The following CHRDL1 variants were observed in gnomAD, a reference collection of about 807,000 sequenced individuals.
The protein encoded by CHRDL1 is chordin-like protein 1.
In CHRDL1, 19 loss-of-function variants were observed where a neutral mutation model predicts 40.9. The observed-to-expected ratio is 0.46, with a 90% CI of 0.32 to 0.68. The LOEUF (loss-of-function observed/expected upper bound fraction) is 0.68. Ranked by LOEUF, CHRDL1 falls within the 30% of genes least tolerant of loss-of-function variation. CHRDL1 has a pLI of 0.03. For missense variants in CHRDL1, 329 were observed against 352.1 expected, an observed-to-expected ratio of 0.93 and a Z score of 0.53; for synonymous variants, 136 against 123.4, an observed-to-expected ratio of 1.10 and a Z score of -0.68.
At chrX:110,699,851 T>G (rs1196183700) in intron 7 of CHRDL1, among the ~76,000 whole-genome samples, 1 of 112,521 alleles carries the variant, frequency 8.9e-6, no homozygotes, top group Non-Finnish European at 1.9e-5. Context: ...ATTTGTTTTG[T>G]TTTTATGAAA....
intron 2 of CHRDL1, among the ~76,000 whole-genome samples, chrX:110,784,210 T>C (rs1179053912): frequency 8.9e-6 from 1 of 111,976 alleles, no homozygotes; most frequent in Non-Finnish European, 1.9e-5. Context: ...CTTATTTCAC[T>C]GACAATTGGG....
At chrX:110,681,090 A>C (rs1202145888) in intron 10 of CHRDL1, among the ~76,000 whole-genome samples, 1 of 111,943 alleles carries the variant, frequency 8.9e-6, no homozygotes, top group Non-Finnish European at 1.9e-5. Flanking sequence ...CCTGAGAAGC[A>C]TTATGAACAA....
At chrX:110,710,388 T>C (rs1268782290) in intron 6 of CHRDL1, among the ~76,000 whole-genome samples, 1 of 111,896 alleles carries the variant, frequency 8.9e-6, no homozygotes, top group Non-Finnish European at 1.9e-5. Context: ...CTGAAATGCT[T>C]CACTGGGAAT....
intron 6 of CHRDL1, among the ~76,000 whole-genome samples, chrX:110,708,065 A>G (rs911564510): frequency 1.8e-5 from 2 of 111,499 alleles, no homozygotes; most frequent in African/African-American, 3.3e-5. Flanking sequence ...ACTGGTCATT[A>G]GAGAAGTGCA....
Position 110,760,669 on chromosome X carries a change from C to T in CHRDL1, c.208-915G>A, listed in dbSNP as rs765568847. Among the ~76,000 whole-genome samples the T allele has an allele frequency of 8.0e-5, 9 of 112,135 alleles. No individual in the cohort carries two copies. In the East Asian group the frequency reaches 2.5e-3, roughly 32 times the overall value. ...CGTCAAGAATCCGACAAAATCAGGC[C>T]ATCCCAGGCAGTTAATCAATCCCCA... On this transcript the variant is annotated intron_variant, in intron 3 of 11. Coordinates refer to ENST00000372042, the MANE Select transcript of CHRDL1 (RefSeq NM_001143981.2).
intron 4 of CHRDL1, among the ~76,000 whole-genome samples, chrX:110,756,412 T>C (rs753297709): frequency 5.4e-5 from 6 of 111,198 alleles, no homozygotes; most frequent in Admixed American, 1.9e-4. Flanking sequence ...AGGGTCACAC[T>C]ACTCGCATGT....
Position 110,676,115 on chromosome X carries a change from T to C in CHRDL1, c.*116A>G, listed in dbSNP as rs1347043423. The C allele has an allele frequency of 2.7e-6, 2 of 739,162 alleles. No homozygotes were observed. The highest frequency in any genetic ancestry group is 4.0e-6 in the Non-Finnish European group (2 of 505,309). 60.9% of individuals were successfully genotyped at this position (739,162 alleles called of 1,213,427 possible). ...ATTATGCTGTGCATGGCGTGAATAA[T>C]TGACTGCATTTGAGTTTGGAGTTTT... On this transcript the variant is annotated 3_prime_UTR_variant, in exon 12 of 12. Coordinates refer to ENST00000372042, the MANE Select transcript of CHRDL1 (RefSeq NM_001143981.2).
At chrX:110,705,548 T>C (rs1238438520) in intron 6 of CHRDL1, among the ~76,000 whole-genome samples, 1 of 103,468 alleles carries the variant, frequency 9.7e-6, no homozygotes, top group African/African-American at 3.5e-5. Flanking sequence ...ATATATATCA[T>C]ACAGGTTTTA....
At chrX:110,742,855 TA>T (rs1238687018) in intron 4 of CHRDL1, among the ~76,000 whole-genome samples, 1 of 111,704 alleles carries the variant, frequency 9.0e-6, no homozygotes, top group Non-Finnish European at 1.9e-5. Context: ...TTTCAAGGTA[TA>T]ACTTTCTGTA....
chrX:110,794,773 C>A (rs181341450), intron 1 of CHRDL1, among the ~76,000 whole-genome samples: 2 of 112,264 alleles, frequency 1.8e-5, no homozygotes, highest in African/African-American at 6.5e-5. Flanking sequence ...TTCTTCACGC[C>A]CCACAGTGTC....
At position 110,674,944 on chromosome X, in the gene CHRDL1, C is replaced by G. The variant is rs1032963867; in HGVS notation, c.*1287G>C. The G allele has an allele frequency of 8.0e-5, 9 of 111,948 alleles. No individual in the cohort carries two copies. Among genetic ancestry groups the G allele is most frequent in the African/African-American group, 2.9e-4 (9 of 30,794 alleles). 9.2% of individuals were successfully genotyped at this position (111,948 alleles called of 1,213,427 possible). On this transcript the variant is annotated 3_prime_UTR_variant, in exon 12 of 12. Transcript: ENST00000372042. ...CTGCAAGTAGACATTTTAGGAGCAG[C>G]CTTCTCTGGAATTCTTGACTAAAAT...
At chrX:110,792,311 A>C (rs1051848178) in intron 1 of CHRDL1, 96 bp from the exon 2 acceptor site, 2 of 418,497 alleles carry the variant, frequency 4.8e-6, no homozygotes, top group Admixed American at 4.9e-5. Context: ...AGAATAAAAA[A>C]AAAATGTCCT....
intron 11 of CHRDL1, 65 bp from the exon 12 acceptor site, chrX:110,676,426 T>C: frequency 9.5e-7 from 1 of 1,057,692 alleles, no homozygotes; most frequent in Non-Finnish European, 1.3e-6. Context: ...AAATTAGGAA[T>C]AGAACCAATA....
intron 2 of CHRDL1, among the ~76,000 whole-genome samples, chrX:110,772,571 G>A (rs1050491425): frequency 2.7e-5 from 3 of 112,574 alleles, no homozygotes; most frequent in Non-Finnish European, 5.6e-5. Flanking sequence ...CCTGAGAGGC[G>A]GAGGTTGCAG....
intron 2 of CHRDL1, among the ~76,000 whole-genome samples, chrX:110,768,645 G>A (rs1442903042): frequency 9.0e-6 from 1 of 110,743 alleles, no homozygotes; most frequent in Non-Finnish European, 1.9e-5. Flanking sequence ...TCCTGCCCTC[G>A]AACATCAGAC....
intron 4 of CHRDL1, among the ~76,000 whole-genome samples, chrX:110,754,800 T>A (rs756777576): frequency 1.2e-4 from 13 of 110,860 alleles, no homozygotes; most frequent in African/African-American, 4.3e-4. Flanking sequence ...AATGCTGGAA[T>A]ACCTCCAGGA....
In CHRDL1 at chrX:110,688,769, G is replaced by A. The variant is rs768618159; in HGVS notation, c.813C>T (p.Gly271=). The part of the protein sequence containing the change: ...CVSNGKTYSH[G]ESWHPNLRAF... The stretch of plus-strand genomic sequence containing the variant: ...CCCGGAGGTTTGGGTGCCAGGACTC[G>A]CCATGAGAATAGGTCTTTCCATTGG... The change falls in exon 9 of 12, where the codon GGC becomes GGT. Residue 271 remains glycine (G), a synonymous_variant. Coordinates refer to ENST00000372042, the MANE Select transcript of CHRDL1 (RefSeq NM_001143981.2). 5 of 1,207,800 alleles carry A rather than the reference G, an allele frequency of 4.1e-6. No individual in the cohort carries two copies. The highest frequency in any genetic ancestry group is 4.4e-5 in the Admixed American group (2 of 45,804).
In CHRDL1 at chrX:110,779,810, A is replaced by T. The variant is rs184792967; in HGVS notation, c.94+12278T>A. 2.7e-5 allele frequency among the ~76,000 whole-genome samples: 3 copies of T among 111,833 alleles called. No homozygotes were observed. The East Asian group carries it at 8.4e-4, about 31-fold the overall frequency. On this transcript the variant is annotated intron_variant, in intron 2 of 11. Coordinates refer to ENST00000372042, the MANE Select transcript of CHRDL1 (RefSeq NM_001143981.2). ...TTGACAATATCGAGTTTTCCTAAAC[A>T]CAAACATGGAGTATCTCTCCATTCT...
chrX:110,705,666 A>C (rs1196254252), intron 6 of CHRDL1, among the ~76,000 whole-genome samples: 1 of 106,600 alleles, frequency 9.4e-6, no homozygotes, highest in Non-Finnish European at 1.9e-5. Flanking sequence ...AGAGATGCTC[A>C]ACTGGTAAGT....
Sources: gnomAD v4.1 joint callset for allele counts (sites outside exome capture counted in the v4.1 genomes callset) on GRCh38, gnomAD v4.1.1 for gene constraint, MANE v1.5 for transcripts, NCBI Gene and HGNC (gene_info 2026-07-23, HGNC 2026-07-21) for gene names.